RELB: variants seen among roughly 807,000 people sequenced by gnomAD.
RELB encodes transcription factor RelB.
Under a neutral mutation model 55.4 loss-of-function variants are expected in RELB, and 14 were observed. The ratio of observed to expected loss-of-function variants is 0.25; its 90% CI spans 0.17 to 0.40. RELB has a LOEUF of 0.40. Ranked by LOEUF, RELB falls within the 10% of genes least tolerant of loss-of-function variation. The pLI is 1.00. For synonymous variants in RELB, 409 were observed against 371.3 expected, an observed-to-expected ratio of 1.10 and a Z score of -1.17; for missense variants, 669 against 830.7, an observed-to-expected ratio of 0.81 and a Z score of 2.39.
At chr19:45,009,431 G>A (rs1971322720) in intron 2 of RELB, among the ~76,000 whole-genome samples, 2 of 152,158 alleles carry the variant, frequency 1.3e-5, no homozygotes, top group South Asian at 2.1e-4. Context: ...ACCCTGGGGT[G>A]GACTTCAGGG....
Position 45,012,204 on chromosome 19 carries a change from C to G in RELB, c.432C>G (p.Cys144Trp). ...GCGGCATGCGCTTCCGCTACGAGTG[C>G]GAGGGCCGCTCGGCCGGCAGCATCC... ...KQRGMRFRYE[C>W]EGRSAGSILG... The change falls in exon 4 of 12, where the codon TGC becomes TGG. Residue 144 changes from cysteine (C) to tryptophan (W), a missense_variant. Cys to Trp is a radical substitution (Grantham distance 215, BLOSUM62 -2). This residue lies in a region of RELB where 323 missense variants were observed against 368.5 expected (regional missense o/e 0.88). Coordinates refer to ENST00000221452, the MANE Select transcript of RELB (RefSeq NM_006509.4). 6.6e-7 allele frequency: 1 copy of G among 1,513,382 alleles called. No homozygotes were observed. The allele number at this position is 1,513,382 out of a possible 1,614,324, so 93.7% of individuals were successfully genotyped here. A position where few individuals can be genotyped will look rare whatever the true frequency, so the allele number is the denominator to read the frequency against.
intron 4 of RELB, among the ~76,000 whole-genome samples, chr19:45,017,934 C>T (rs971619961): frequency 6.6e-6 from 1 of 151,176 alleles, no homozygotes; most frequent in African/African-American, 2.4e-5. Context: ...CACGAACCAC[C>T]GTGCCCAGCC....
At chr19:45,018,002 C>T (rs1191654112) in intron 4 of RELB, among the ~76,000 whole-genome samples, 2 of 151,368 alleles carry the variant, frequency 1.3e-5, no homozygotes, top group African/African-American at 4.9e-5. Context: ...CGCGGTGGCT[C>T]ACGCCTGTAA....
intron 8 of RELB, among the ~76,000 whole-genome samples, chr19:45,030,748 G>C (rs923225770): frequency 1.3e-5 from 2 of 152,224 alleles, no homozygotes; most frequent in Non-Finnish European, 2.9e-5. Flanking sequence ...AGTGAGCTAT[G>C]ATGGTGCCAC....
intron 11 of RELB, among the ~76,000 whole-genome samples, chr19:45,035,974 C>T (rs1483608610): frequency 6.6e-6 from 1 of 152,206 alleles, no homozygotes; most frequent in East Asian, 1.9e-4. Flanking sequence ...ATTACGCCCA[C>T]GTTCCAGTTA....
rs527669308 is a variant in RELB, at chr19:45,035,504, T to C, written c.1354+976T>C. On this transcript the variant is annotated intron_variant, in intron 11 of 11. Transcript: ENST00000221452. ...CTGCACTTTAGCCTGAGCAACAGAATGAGACCCTTCTCAAAACAACAACAA... is the reference window on the plus strand; with the variant it reads ...CTGCACTTTAGCCTGAGCAACAGAACGAGACCCTTCTCAAAACAACAACAA... Among the ~76,000 whole-genome samples the C allele has an allele frequency of 1.0e-4, 15 of 149,102 alleles. 2 individuals are homozygous for C. The South Asian group carries it at 3.2e-3, about 31-fold the overall frequency.
intron 4 of RELB, among the ~76,000 whole-genome samples, chr19:45,017,235 G>A (rs1281384975): frequency 1.3e-5 from 2 of 152,146 alleles, no homozygotes; most frequent in African/African-American, 4.8e-5. Context: ...GCTGCCAAGT[G>A]GGACTGGCCC....
At chr19:45,006,401 A>AGAG (rs1189893182) in intron 2 of RELB, among the ~76,000 whole-genome samples, 1 of 151,724 alleles carries the variant, frequency 6.6e-6, no homozygotes, top group African/African-American at 2.4e-5. Context: ...ACGGGGTTTC[A>AGAG]CCACGTTGGC....
In RELB at chr19:45,001,517, G is replaced by T; in HGVS notation, c.-63G>T. Reference sequence around the variant, plus strand: ...GGCCTGCGGCCCCAGCCCTTGCGCCGCTCGTCCGACCCGCGATCGTCCACC... The same window carrying T: ...GGCCTGCGGCCCCAGCCCTTGCGCCTCTCGTCCGACCCGCGATCGTCCACC... On this transcript the variant is annotated 5_prime_UTR_variant, in exon 1 of 12. Transcript: ENST00000221452. 2 of 946,972 alleles carry T rather than the reference G, an allele frequency of 2.1e-6. No homozygotes were observed. The highest frequency in any genetic ancestry group is 2.8e-6 in the Non-Finnish European group (2 of 710,332). The allele number at this position is 946,972 out of a possible 1,614,324, so 58.7% of individuals were successfully genotyped here. A position where few individuals can be genotyped will look rare whatever the true frequency, so the allele number is the denominator to read the frequency against.
chr19:45,028,771 C>T, intron 7 of RELB, 117 bp from the exon 8 acceptor site: 2 of 727,692 alleles, frequency 2.7e-6, no homozygotes, highest in Non-Finnish European at 4.6e-6. Context: ...CCTGCCTTTT[C>T]AATTCCCTAC....
At chr19:45,030,317 A>T (rs1457817037) in intron 8 of RELB, among the ~76,000 whole-genome samples, 1 of 152,122 alleles carries the variant, frequency 6.6e-6, no homozygotes, top group African/African-American at 2.4e-5. Flanking sequence ...TACAAAAAAA[A>T]GTTCTTTTTA....
intron 4 of RELB, among the ~76,000 whole-genome samples, chr19:45,019,839 G>A (rs1271351218): frequency 2.6e-5 from 4 of 151,942 alleles, no homozygotes; most frequent in Non-Finnish European, 5.9e-5. Flanking sequence ...CACCACGTGC[G>A]GCTAATTTTG....
rs1356046027 is a variant in RELB at position 45,037,656 on chromosome 19, C to G, written c.1606C>G (p.Leu536Val). 1.9e-6 allele frequency: 3 copies of G among 1,593,960 alleles called. No individual in the cohort carries two copies. The African/African-American group carries it at 4.1e-5, about 22-fold the overall frequency. The change falls in exon 12 of 12, where the codon CTG becomes GTG. Residue 536 changes from leucine to valine, a missense_variant. Leu to Val is a conservative substitution (Grantham distance 32). Coordinates refer to ENST00000221452, the MANE Select transcript of RELB (RefSeq NM_006509.4). Reference protein sequence around the residue: ...GETPGPEPLTLDSYQAPGPGD... With the variant: ...GETPGPEPLTVDSYQAPGPGD... ...GACCCCCGGCCCTGAACCACTGACA[C>G]TGGACTCGTACCAGGCCCCGGGCCC...
chr19:45,019,772 G>C (rs1195456749), intron 4 of RELB, among the ~76,000 whole-genome samples: 1 of 152,090 alleles, frequency 6.6e-6, no homozygotes, highest in East Asian at 1.9e-4. Context: ...CCATCTCCAG[G>C]GTTCAAGTGA....
intron 2 of RELB, among the ~76,000 whole-genome samples, chr19:45,009,106 A>C (rs113800207): frequency 0.014 from 2,075 of 152,196 alleles, 66 homozygotes; most frequent in African/African-American, 0.048. Flanking sequence ...TTTTTGAGAC[A>C]GTCTCGCTCT....
chr19:45,021,312 A>C (rs1197679021), intron 4 of RELB, among the ~76,000 whole-genome samples: 2 of 151,526 alleles, frequency 1.3e-5, no homozygotes, highest in Non-Finnish European at 2.9e-5. Context: ...TCTCTACTAA[A>C]GATAGAAAAA....
chr19:45,007,747 A>G (rs1412592741), intron 2 of RELB, among the ~76,000 whole-genome samples: 1 of 151,976 alleles, frequency 6.6e-6, no homozygotes, highest in Non-Finnish European at 1.5e-5. Context: ...AATCCCAGCT[A>G]CTCAGGAGGC....
intron 5 of RELB, 49 bp from the exon 6 acceptor site, chr19:45,025,280 C>T (rs530169529): frequency 1.3e-4 from 181 of 1,373,580 alleles, no homozygotes; most frequent in Non-Finnish European, 1.8e-4. Context: ...GTTAGGGCCA[C>T]ACTTGCCTGC....
At position 45,037,720 on chromosome 19, in the gene RELB, T is replaced by C; in HGVS notation, c.1670T>C (p.Met557Thr). The C allele has an allele frequency of 6.5e-7, 1 of 1,527,806 alleles. No homozygotes were observed. The highest frequency in any genetic ancestry group is 8.7e-7 in the Non-Finnish European group (1 of 1,143,448). 94.6% of individuals were successfully genotyped at this position (1,527,806 alleles called of 1,614,324 possible). A position where few individuals can be genotyped will look rare whatever the true frequency, so the allele number is the denominator to read the frequency against. The change falls in exon 12 of 12, where the codon ATG becomes ACG. Residue 557 changes from methionine (M) to threonine (T), a missense_variant. Met to Thr is a moderately conservative substitution (Grantham distance 81). This residue lies in a region of RELB where 341 missense variants were observed against 436.8 expected (regional missense o/e 0.78). Coordinates refer to ENST00000221452, the MANE Select transcript of RELB (RefSeq NM_006509.4). ...ACCGCCAGCCTTGTGGGCAGCAACATGTTCCCCAATCATTACCGCGAGGCG... is the reference window on the plus strand; with the variant it reads ...ACCGCCAGCCTTGTGGGCAGCAACACGTTCCCCAATCATTACCGCGAGGCG... ...GGTASLVGSN[M>T]FPNHYREAAF...
Sources: gnomAD v4.1 joint callset for allele counts (sites outside exome capture counted in the v4.1 genomes callset) on GRCh38, gnomAD v4.1.1 for gene constraint, gnomAD v4.1.1 regional missense constraint, MANE v1.5 for transcripts, NCBI Gene and HGNC (gene_info 2026-07-23, HGNC 2026-07-21) for gene names.